The following SPATA9 variants were observed in gnomAD, a reference collection of about 807,000 sequenced individuals.
SPATA9 encodes the protein spermatogenesis-associated protein 9.
In SPATA9, 27 loss-of-function variants were observed where a neutral mutation model predicts 25.5. The observed-to-expected ratio is 1.06, with a 90% confidence interval of 0.78 to 1.46. The LOEUF (loss-of-function observed/expected upper bound fraction) is 1.46, where lower values mean the gene tolerates loss of function less well. Among genes scored for constraint, SPATA9 ranks in the 40% most tolerant of loss-of-function variants. SPATA9 has a pLI of 0.00. For missense variants in SPATA9, 282 were observed against 297.5 expected, an observed-to-expected ratio of 0.95 and a Z score of 0.38; for synonymous variants, 102 against 105.7, an observed-to-expected ratio of 0.97 and a Z score of 0.21.
At chr5:95,713,794 TAACTAG>T in the SPATA9 span, 1 of 151,986 alleles carries the variant, frequency 6.6e-6, no homozygotes, top group Non-Finnish European at 1.5e-5. Flanking sequence ...TTTTCTTCAG[TAACTAG>T]AAAAGAGGAC....
At chr5:95,672,923 T>G (rs1752540821) in intron 3 of SPATA9, among the ~76,000 whole-genome samples, 1 of 152,182 alleles carries the variant, frequency 6.6e-6, no homozygotes, top group African/African-American at 2.4e-5. Flanking sequence ...TTGGCCCTTC[T>G]GAGCAAAGGA....
At chr5:95,695,764 A>G (rs533471796) in intron 1 of SPATA9, among the ~76,000 whole-genome samples, 5 of 152,346 alleles carry the variant, frequency 3.3e-5, no homozygotes, top group African/African-American at 1.2e-4. Flanking sequence ...AGCTTCTTAG[A>G]TAGCCCAGTG....
chr5:95,697,298 G>A (rs213003), intron 1 of SPATA9, among the ~76,000 whole-genome samples: 86,402 of 151,962 alleles, frequency 0.57, 24,735 homozygotes, highest in East Asian at 0.8. Context: ...GTTCACTCCC[G>A]TGGTTGCTGG....
rs1290759310 is a variant in SPATA9 at position 95,658,909 on chromosome 5, A to T, written c.479T>A (p.Val160Asp). The stretch of plus-strand genomic sequence containing the variant: ...CTTCTTCAGCACAGCATTAACACAG[A>T]CTGCCTATACAATAAAAAGAGTTTG... The part of the protein sequence containing the change: ...ASYAALIYLA[V>D]CVNAVLKKVK... Residue 160 changes from valine (V) to aspartate (D), a missense_variant, in exon 5 of 5, where the codon GTC becomes GAC. Transcript: ENST00000274432. The T allele has an allele frequency of 6.3e-7, 1 of 1,586,666 alleles. No individual in the cohort carries two copies. Among genetic ancestry groups the T allele is most frequent in the Non-Finnish European group, 8.5e-7 (1 of 1,170,246 alleles).
the SPATA9 span, chr5:95,731,859 G>C: frequency 3.7e-6 from 6 of 1,612,566 alleles, no homozygotes; most frequent in Non-Finnish European, 5.1e-6. Flanking sequence ...GTCCGTGCAG[G>C]TCCATCCACA....
At chr5:95,687,733 C>T (rs1418631334), upstream of SPATA9, among the ~76,000 whole-genome samples, 1 of 152,100 alleles carries the variant, frequency 6.6e-6, no homozygotes, top group Non-Finnish European at 1.5e-5. Flanking sequence ...AGCATTGTTA[C>T]CCAGGTTTGG....
At chr5:95,673,967 T>C (rs1159050882) in intron 3 of SPATA9, among the ~76,000 whole-genome samples, 1 of 152,114 alleles carries the variant, frequency 6.6e-6, no homozygotes, top group Non-Finnish European at 1.5e-5. Context: ...CTCAAACTCC[T>C]GAGCTCAAAG....
At chr5:95,727,104 A>G in the SPATA9 span, among the ~76,000 whole-genome samples, 1 of 152,184 alleles carries the variant, frequency 6.6e-6, no homozygotes, top group Non-Finnish European at 1.5e-5. Flanking sequence ...TAACCTTAGA[A>G]AACCCATCTT....
At position 95,669,231 on chromosome 5, in the gene SPATA9, C is replaced by T. The variant is rs1351892557; in HGVS notation, c.379-5183G>A. Among the ~76,000 whole-genome samples the T allele has an allele frequency of 6.6e-5, 10 of 152,136 alleles. 1 individual carries two copies. Among genetic ancestry groups the T allele is most frequent in the Admixed American group, 4.6e-4 (7 of 15,254 alleles). On this transcript the variant is annotated intron_variant, in intron 3 of 4. Transcript: ENST00000274432. ...TCAAATGTCCTAATCCCTTTGCCAA[C>T]GTGGAGGAGTACTGTATGTCTTCAA...
At chr5:95,675,669 A>G in intron 2 of SPATA9, 30 bp from the exon 3 acceptor site, 1 of 1,587,150 alleles carries the variant, frequency 6.3e-7, no homozygotes, top group Non-Finnish European at 8.6e-7. Flanking sequence ...AAAGTAACTG[A>G]TGTGTAATCT....
At chr5:95,683,459 G>A (rs545313971), upstream of SPATA9, among the ~76,000 whole-genome samples, 5 of 152,192 alleles carry the variant, frequency 3.3e-5, no homozygotes, top group East Asian at 7.7e-4. Flanking sequence ...ATGACCATTA[G>A]TTCCCCCGAT....
intron 1 of SPATA9, among the ~76,000 whole-genome samples, chr5:95,696,686 G>A (rs1212669366): frequency 2.6e-5 from 4 of 152,144 alleles, no homozygotes; most frequent in Non-Finnish European, 4.4e-5. Flanking sequence ...AGACCACCCT[G>A]AGCAACATAG....
chr5:95,667,988 C>T (rs1751983160), intron 3 of SPATA9, among the ~76,000 whole-genome samples: 1 of 152,130 alleles, frequency 6.6e-6, no homozygotes, highest in Non-Finnish European at 1.5e-5. Context: ...CTTTGCCTTC[C>T]ACCTTGATTG....
At chr5:95,690,337 C>T (rs1331941592) in intron 1 of SPATA9, among the ~76,000 whole-genome samples, 1 of 152,132 alleles carries the variant, frequency 6.6e-6, no homozygotes, top group Non-Finnish European at 1.5e-5. Flanking sequence ...GAAAAGAGCA[C>T]CCTGGTATCT....
downstream of SPATA9, chr5:95,655,280 A>T (rs952676398): frequency 6.6e-6 from 1 of 152,244 alleles, no homozygotes; most frequent in African/African-American, 2.4e-5. Context: ...AGTACAAATC[A>T]GTATTCCTGC....
At chr5:95,677,406 C>T (rs1453786835) in intron 2 of SPATA9, among the ~76,000 whole-genome samples, 1 of 152,146 alleles carries the variant, frequency 6.6e-6, no homozygotes, top group Non-Finnish European at 1.5e-5. Context: ...CCAAATATTA[C>T]ATTAGAAACC....
intron 2 of SPATA9, among the ~76,000 whole-genome samples, chr5:95,679,163 AC>A (rs1337582084): frequency 6.6e-6 from 1 of 152,152 alleles, no homozygotes; most frequent in Non-Finnish European, 1.5e-5. Flanking sequence ...ATTAAATAAA[AC>A]CCCAGTTTCT....
At chr5:95,724,379 A>T in the SPATA9 span, among the ~76,000 whole-genome samples, 1 of 152,264 alleles carries the variant, frequency 6.6e-6, no homozygotes, top group Non-Finnish European at 1.5e-5. Context: ...TACATGTTTA[A>T]CACATAGTTT....
downstream of SPATA9, chr5:95,656,269 A>G (rs774240868): frequency 1.9e-6 from 3 of 1,613,190 alleles, no homozygotes; most frequent in East Asian, 2.2e-5. Flanking sequence ...TCTGATTTTT[A>G]TGCCACTGGA....
Sources: allele counts gnomAD v4.1 joint callset (sites outside exome capture counted in the v4.1 genomes callset), GRCh38; gene constraint gnomAD v4.1.1; transcripts MANE v1.5; gene names NCBI Gene and HGNC (gene_info 2026-07-23, HGNC 2026-07-21).